SEC22A: variants seen among roughly 807,000 people sequenced by gnomAD.
SEC22A encodes SEC22 homolog A, vesicle trafficking protein.
SEC22A carries 22 observed loss-of-function variants against 35.3 expected under a neutral mutation model. The observed-to-expected ratio is 0.62, with a 90% CI of 0.45 to 0.89. The LOEUF is 0.89. SEC22A is among the 40% of genes least tolerant of loss of function. The pLI, the probability that SEC22A is intolerant of heterozygous loss-of-function variation, is 0.00. For missense variants in SEC22A, 354 were observed against 362.5 expected (o/e 0.98, Z 0.19); for synonymous variants, 119 against 129.5 (o/e 0.92, Z 0.55).
intron 2 of SEC22A, among the ~76,000 whole-genome samples, chr3:123,212,063 T>C (rs983748132): frequency 1.3e-5 from 2 of 151,928 alleles, no homozygotes; most frequent in African/African-American, 4.8e-5. Context: ...AAAAAATATA[T>C]ATAAATAAAA....
At chr3:123,210,179 A>G (rs1936917241) in intron 2 of SEC22A, among the ~76,000 whole-genome samples, 1 of 152,216 alleles carries the variant, frequency 6.6e-6, no homozygotes, top group African/African-American at 2.4e-5. Flanking sequence ...AGAGTAGATC[A>G]TTCTGCCTGC....
intron 2 of SEC22A, among the ~76,000 whole-genome samples, chr3:123,214,214 A>C (rs1242704779): frequency 6.6e-6 from 1 of 152,080 alleles, no homozygotes; most frequent in Non-Finnish European, 1.5e-5. Flanking sequence ...AAATAAATAA[A>C]ATTTAAAAAT....
intron 4 of SEC22A, among the ~76,000 whole-genome samples, chr3:123,242,083 C>T (rs1488730100): frequency 9.9e-5 from 15 of 152,090 alleles, no homozygotes. Flanking sequence ...TTGATGGTCT[C>T]TCCTTCCTAG....
chr3:123,261,748 AT>A (rs1937898228), intron 6 of SEC22A, among the ~76,000 whole-genome samples: 1 of 152,212 alleles, frequency 6.6e-6, no homozygotes, highest in South Asian at 2.1e-4. Flanking sequence ...AAAGGAGGAT[AT>A]ACCATTATAT....
At chr3:123,215,979 G>A (rs1937014538) in intron 2 of SEC22A, among the ~76,000 whole-genome samples, 1 of 152,150 alleles carries the variant, frequency 6.6e-6, no homozygotes, top group African/African-American at 2.4e-5. Context: ...GCAGGGAAAT[G>A]CAACCAACCT....
At chr3:123,232,386 G>A (rs999780713) in intron 4 of SEC22A, among the ~76,000 whole-genome samples, 1 of 152,070 alleles carries the variant, frequency 6.6e-6, no homozygotes, top group African/African-American at 2.4e-5. Context: ...CCAACTACTG[G>A]TAATGATGCA....
chr3:123,269,787 C>T (rs1365247111), intron 6 of SEC22A, among the ~76,000 whole-genome samples: 1 of 151,916 alleles, frequency 6.6e-6, no homozygotes, highest in East Asian at 1.9e-4. Flanking sequence ...CGCCCGCCAC[C>T]ACACCCGACT....
intron 6 of SEC22A, among the ~76,000 whole-genome samples, chr3:123,262,778 G>A (rs187309522): frequency 1.7e-4 from 26 of 152,264 alleles, no homozygotes; most frequent in Admixed American, 9.8e-4. Context: ...TGACCCTATC[G>A]TAAGCCAAGG....
chr3:123,210,905 G>A (rs1936931203), intron 2 of SEC22A, among the ~76,000 whole-genome samples: 2 of 152,316 alleles, frequency 1.3e-5, no homozygotes, highest in Non-Finnish European at 1.5e-5. Context: ...ATGTGACTTA[G>A]CATGGTAGGT....
intron 6 of SEC22A, among the ~76,000 whole-genome samples, chr3:123,266,126 C>T (rs1404029230): frequency 6.6e-6 from 1 of 152,084 alleles, no homozygotes; most frequent in Non-Finnish European, 1.5e-5. Flanking sequence ...TTGATGTCTG[C>T]AGGGTCTGTA....
chr3:123,243,086 G>A (rs73856882), intron 4 of SEC22A, among the ~76,000 whole-genome samples: 2,222 of 151,996 alleles, frequency 0.015, 47 homozygotes, highest in African/African-American at 0.05. Flanking sequence ...CTCCCCACTT[G>A]TCACAAACAT....
chr3:123,252,277 G>A (rs146888976), intron 5 of SEC22A, among the ~76,000 whole-genome samples: 123 of 152,106 alleles, frequency 8.1e-4, no homozygotes, highest in African/African-American at 2.9e-3. Context: ...AATCTCAAAC[G>A]TCACTCTGGA....
intron 6 of SEC22A, among the ~76,000 whole-genome samples, chr3:123,263,428 C>A (rs1435445581): frequency 1.3e-5 from 2 of 152,218 alleles, no homozygotes; most frequent in Non-Finnish European, 2.9e-5. Flanking sequence ...TTATCTAAAC[C>A]TAATTACCTC....
At chr3:123,224,968 A>G in intron 3 of SEC22A, 135 bp from the exon 4 acceptor site, 1 of 578,780 alleles carries the variant, frequency 1.7e-6, no homozygotes, top group Non-Finnish European at 3.0e-6. Flanking sequence ...CACAAGTAAT[A>G]TTGGACTATT....
chr3:123,271,471 T>C (rs962340672), intron 6 of SEC22A, 51 bp from the exon 7 acceptor site: 1 of 1,452,984 alleles, frequency 6.9e-7, no homozygotes, highest in African/African-American at 1.4e-5. Context: ...TAGAAACATC[T>C]GTTTCTTTTC....
At chr3:123,220,900 C>A (rs956641411) in intron 2 of SEC22A, among the ~76,000 whole-genome samples, 1 of 91,804 alleles carries the variant, frequency 1.1e-5, no homozygotes, top group Non-Finnish European at 2.7e-5. Flanking sequence ...ATATATATGT[C>A]ACATGTATAT....
At chr3:123,247,392 A>G (rs1338356890) in intron 5 of SEC22A, among the ~76,000 whole-genome samples, 1 of 152,174 alleles carries the variant, frequency 6.6e-6, no homozygotes, top group Non-Finnish European at 1.5e-5. Flanking sequence ...TGGGGCTTAG[A>G]CTGCATTAAC....
intron 2 of SEC22A, among the ~76,000 whole-genome samples, chr3:123,212,140 G>C (rs574271219): frequency 6.6e-6 from 1 of 152,234 alleles, no homozygotes; most frequent in East Asian, 1.9e-4. Flanking sequence ...AATCATTCAC[G>C]TAGATGTGGT....
intron 2 of SEC22A, among the ~76,000 whole-genome samples, chr3:123,217,056 T>G (rs1937040334): frequency 6.6e-6 from 1 of 152,216 alleles, no homozygotes; most frequent in African/African-American, 2.4e-5. Context: ...CTCTAACTCC[T>G]GGGCTCAAGT....
Sources: allele counts gnomAD v4.1 joint callset (sites outside exome capture counted in the v4.1 genomes callset), GRCh38; gene constraint gnomAD v4.1.1; transcripts MANE v1.5; gene names NCBI Gene and HGNC (gene_info 2026-07-23, HGNC 2026-07-21).